LRP5: variants seen among roughly 807,000 people sequenced by gnomAD.
LRP5 encodes the protein LDL receptor related protein 5.
Under a neutral mutation model 154.1 loss-of-function variants are expected in LRP5, and 62 were observed. The observed-to-expected ratio is 0.40, with a 90% CI of 0.33 to 0.50. The LOEUF (loss-of-function observed/expected upper bound fraction) is 0.50, where lower values mean the gene tolerates loss of function less well. Among genes scored for constraint, LRP5 ranks in the 20% least tolerant of loss-of-function variants. The probability of loss-of-function intolerance (pLI) is 0.55; values close to 1 mark genes in which losing one functional copy is unlikely to be tolerated. For missense variants in LRP5, 1,915 were observed against 2,336.7 expected (o/e 0.82, Z 3.72); for synonymous variants, 966 against 1,011.5 (o/e 0.96, Z 0.85).
intron 13 of LRP5, among the ~76,000 whole-genome samples, chr11:68,420,964 C>T (rs1468560128): frequency 9.2e-5 from 14 of 152,106 alleles, no homozygotes; most frequent in Admixed American, 2.0e-4. Context: ...CGGTGGCTCA[C>T]GCCTGTAATC....
chr11:68,397,260 C>T (rs1005940557), intron 7 of LRP5, among the ~76,000 whole-genome samples: 3 of 152,192 alleles, frequency 2.0e-5, no homozygotes, highest in Admixed American at 6.5e-5. Context: ...CTGCCCTTCT[C>T]TCCTCTGCCC....
chr11:68,445,166 C>A (rs2153184573), intron 21 of LRP5, among the ~76,000 whole-genome samples: 1 of 152,270 alleles, frequency 6.6e-6, no homozygotes, highest in African/African-American at 2.4e-5. Flanking sequence ...GTGGTGCGAT[C>A]TCAACCCACT....
chr11:68,303,005 G>A, the LRP5 span, among the ~76,000 whole-genome samples: 1,987 of 152,342 alleles, frequency 0.013, 44 homozygotes, highest in African/African-American at 0.045. Context: ...TACTCCCTCT[G>A]TTCCTCCTTG....
At chr11:68,408,695 A>G (rs1454803099) in intron 9 of LRP5, among the ~76,000 whole-genome samples, 1 of 152,068 alleles carries the variant, frequency 6.6e-6, no homozygotes, top group African/African-American at 2.4e-5. Context: ...TTTTAAATGT[A>G]TGAAATACTC....
At chr11:68,422,127 TG>T (rs2098666163) in intron 13 of LRP5, among the ~76,000 whole-genome samples, 1 of 152,132 alleles carries the variant, frequency 6.6e-6, no homozygotes, top group South Asian at 2.1e-4. Flanking sequence ...TAATTTTTTT[TG>T]ATACAGATGG....
intron 2 of LRP5, among the ~76,000 whole-genome samples, chr11:68,354,898 T>C (rs546372691): frequency 1.3e-4 from 20 of 152,280 alleles, no homozygotes; most frequent in Middle Eastern, 3.4e-3. Context: ...AGCTGTTCCA[T>C]GTGACACCCC....
In LRP5 at chr11:68,439,893, A is replaced by T; in HGVS notation, c.4465A>T (p.Thr1489Ser). ...TGASSSSSSS[T>S]KATLYPPILN... ...GGCCTCGTCCAGCAGCTCGTCCAGCACGAAGGCCACGCTGTACCCGCCGGT... is the reference window on the plus strand; with the variant it reads ...GGCCTCGTCCAGCAGCTCGTCCAGCTCGAAGGCCACGCTGTACCCGCCGGT... Residue 1489 changes from threonine (T) to serine (S), a missense_variant, in exon 21 of 23, where the codon ACG becomes TCG. By Grantham distance (58) the Thr-to-Ser change is moderately conservative (BLOSUM62 1). Transcript: ENST00000294304. 2 of 1,499,396 alleles carry T rather than the reference A, an allele frequency of 1.3e-6. No homozygotes were observed. Among genetic ancestry groups the T allele is most frequent in the Non-Finnish European group, 1.8e-6 (2 of 1,120,472 alleles). 92.9% of individuals were successfully genotyped at this position (1,499,396 alleles called of 1,614,324 possible). A position where few individuals can be genotyped will look rare whatever the true frequency, so the allele number is the denominator to read the frequency against.
chr11:68,362,120 A>G (rs1417558796), intron 3 of LRP5, among the ~76,000 whole-genome samples: 1 of 152,348 alleles, frequency 6.6e-6, no homozygotes, highest in East Asian at 1.9e-4. Flanking sequence ...CTGACATGCT[A>G]CAGCCTGGAT....
At chr11:68,416,244 T>C in intron 12 of LRP5, 84 bp from the exon 13 acceptor site, 6 of 1,198,936 alleles carry the variant, frequency 5.0e-6, no homozygotes, top group Non-Finnish European at 7.4e-6. Context: ...GAGCCGCCTG[T>C]TGTCGAGTGG....
chr11:68,309,774 G>T (rs1476084177), upstream of LRP5, among the ~76,000 whole-genome samples: 1 of 152,106 alleles, frequency 6.6e-6, no homozygotes, highest in Non-Finnish European at 1.5e-5. Flanking sequence ...TGTGGCTGGA[G>T]CCCTGAGCAG....
At position 68,406,567 on chromosome 11, in the gene LRP5, GT is replaced by G. The variant is rs1304539039; in HGVS notation, c.1846del (p.Cys616AlafsTer19). ...ADRNGGCSHL[C>X]FFTPHATRCG... ...ACAGGAACGGGGGGTGCAGCCACCT[GT>G]GCTTCTTCACACCCCACGCAACCCG... On this transcript the variant is annotated frameshift_variant, in exon 9 of 23. Coordinates refer to ENST00000294304, the MANE Select transcript of LRP5 (RefSeq NM_002335.4). LOFTEE classifies it high-confidence loss of function. 2 of 1,614,172 alleles carry G rather than the reference GT, an allele frequency of 1.2e-6. No individual in the cohort carries two copies. The highest frequency in any genetic ancestry group is 8.5e-7 in the Non-Finnish European group (1 of 1,180,020).
chr11:68,440,237 C>G (rs2098677453), intron 21 of LRP5, among the ~76,000 whole-genome samples: 1 of 152,246 alleles, frequency 6.6e-6, no homozygotes, highest in South Asian at 2.1e-4. Context: ...GCCGCCTGCA[C>G]CAGGCCTGTC....
chr11:68,411,767 T>C (rs946294598), intron 11 of LRP5, 147 bp downstream of exon 11: 45 of 834,868 alleles, frequency 5.4e-5, no homozygotes, highest in Non-Finnish European at 7.9e-5. Context: ...CCCAGCAGCC[T>C]CACCCTCTGC....
intron 5 of LRP5, among the ~76,000 whole-genome samples, chr11:68,370,368 A>C (rs757801361): frequency 6.7e-6 from 1 of 150,140 alleles, no homozygotes; most frequent in African/African-American, 2.5e-5. Flanking sequence ...AGAGGGGGGG[A>C]CAGGCCCTGT....
At chr11:68,416,228 G>T in intron 12 of LRP5, 100 bp from the exon 13 acceptor site, 1 of 1,022,194 alleles carries the variant, frequency 9.8e-7, no homozygotes, top group Non-Finnish European at 1.5e-6. Context: ...CAGCGGGGCA[G>T]ATGCTGAGCC....
At chr11:68,448,116 G>A (rs926301404) in intron 22 of LRP5, among the ~76,000 whole-genome samples, 1 of 152,178 alleles carries the variant, frequency 6.6e-6, no homozygotes, top group African/African-American at 2.4e-5. Context: ...TGGCTTCAGG[G>A]AACAGACAGC....
chr11:68,366,983 CACTCTGG>C (rs1041542463), intron 5 of LRP5, among the ~76,000 whole-genome samples: 2 of 139,654 alleles, frequency 1.4e-5, no homozygotes, highest in Non-Finnish European at 3.1e-5. Context: ...CTGGCGCTCG[CACTCTGG>C]GCTCTGGGGC....
chr11:68,440,475 C>A (rs1424056007), intron 21 of LRP5, among the ~76,000 whole-genome samples: 3 of 152,228 alleles, frequency 2.0e-5, no homozygotes, highest in Non-Finnish European at 4.4e-5. Flanking sequence ...ACTGCCGCTG[C>A]CCTCCAGGAT....
intron 13 of LRP5, 142 bp downstream of exon 13, chr11:68,416,669 T>A: frequency 2.6e-6 from 2 of 773,558 alleles, no homozygotes; most frequent in Non-Finnish European, 4.4e-6. Context: ...TTCGATTATG[T>A]AGTCACAGGG....
Sources: gnomAD v4.1 joint callset for allele counts (sites outside exome capture counted in the v4.1 genomes callset) on GRCh38, gnomAD v4.1.1 for gene constraint, MANE v1.5 for transcripts, NCBI Gene and HGNC (gene_info 2026-07-23, HGNC 2026-07-21) for gene names.